Variants in DOCK10 observed in about 807,000 individuals in gnomAD.
DOCK10 encodes the protein dedicator of cytokinesis 10, also known as dedicator of cytokinesis protein 10.
Under a neutral mutation model 280.1 loss-of-function variants are expected in DOCK10, and 145 were observed. The ratio of observed to expected loss-of-function variants is 0.52; its 90% CI spans 0.45 to 0.59. The LOEUF is 0.59. Among genes scored for constraint, DOCK10 ranks in the 20% least tolerant of loss-of-function variants. DOCK10 has a pLI of 0.00. For synonymous variants in DOCK10, 915 were observed against 942.2 expected, an observed-to-expected ratio of 0.97 and a Z score of 0.53; for missense variants, 2,368 against 2,651.7, an observed-to-expected ratio of 0.89 and a Z score of 2.35.
intron 11 of DOCK10, among the ~76,000 whole-genome samples, chr2:224,873,152 T>C (rs1388520405): frequency 3.9e-5 from 6 of 152,226 alleles, no homozygotes; most frequent in Non-Finnish European, 7.3e-5. Context: ...CTAATATTAC[T>C]TTACTTGATA....
At chr2:224,860,535 TCACTTGGCTAA>T in intron 14 of DOCK10, 1 of 152,232 alleles carries the variant, frequency 6.6e-6, no homozygotes, top group Non-Finnish European at 1.5e-5. Flanking sequence ...TTGCCCAAGC[TCACTTGGCTAA>T]TAAAGGATAG....
chr2:224,800,681 G>A (rs1692920361), intron 40 of DOCK10, among the ~76,000 whole-genome samples: 2 of 152,128 alleles, frequency 1.3e-5, no homozygotes, highest in Non-Finnish European at 2.9e-5. Context: ...AAGTAACTGT[G>A]GGCCATGTGC....
rs765143822 is a variant in DOCK10 at position 224,834,174 on chromosome 2, T to C, written c.2940A>G (p.Ser980=). 66 of 1,611,246 alleles carry C rather than the reference T, an allele frequency of 4.1e-5. No homozygotes were observed. The South Asian group carries it at 6.7e-4, about 16-fold the overall frequency. The change falls in exon 26 of 56, where the codon TCA becomes TCG. Residue 980 remains serine (S), a synonymous_variant. Transcript: ENST00000258390. Reference sequence around the variant, plus strand: ...CCTTTAGGACATGCTTTACTGTTGTTGAGTCATTTGATTTCAAAAGACCAG... The same window carrying C: ...CCTTTAGGACATGCTTTACTGTTGTCGAGTCATTTGATTTCAAAAGACCAG... The part of the protein sequence containing the change: ...NVTGLLKSND[S]TTVKHVLKHS...
At chr2:224,941,831 G>A (rs1047378456) in intron 1 of DOCK10, among the ~76,000 whole-genome samples, 9 of 139,246 alleles carry the variant, frequency 6.5e-5, no homozygotes, top group Non-Finnish European at 1.4e-4. Context: ...GCAACAGACT[G>A]AGCCTCCATC....
intron 1 of DOCK10, among the ~76,000 whole-genome samples, chr2:224,949,549 T>TAGAAAAGC (rs1703612389): frequency 6.6e-6 from 1 of 152,202 alleles, no homozygotes; most frequent in Non-Finnish European, 1.5e-5. Flanking sequence ...AGAAAAGATA[T>TAGAAAAGC]CTCTAAGGTA....
chr2:224,814,298 T>C, intron 31 of DOCK10, 22 bp downstream of exon 31: 1 of 1,472,968 alleles, frequency 6.8e-7, no homozygotes, highest in Non-Finnish European at 9.1e-7. Flanking sequence ...TACTGATGCT[T>C]AGGTAAGGTA....
chr2:225,040,919 C>G (rs1440533175), intron 1 of DOCK10, among the ~76,000 whole-genome samples: 2 of 152,230 alleles, frequency 1.3e-5, no homozygotes, highest in East Asian at 3.9e-4. Flanking sequence ...ATAGCAGTAC[C>G]ACATGCTGTC....
chr2:224,938,684 C>T (rs568961433), intron 1 of DOCK10, among the ~76,000 whole-genome samples: 1 of 152,262 alleles, frequency 6.6e-6, no homozygotes, highest in South Asian at 2.1e-4. Flanking sequence ...AATCCAGGAC[C>T]CTTTGACCTT....
chr2:224,949,294 T>C (rs778029198), intron 1 of DOCK10, among the ~76,000 whole-genome samples: 1 of 152,196 alleles, frequency 6.6e-6, no homozygotes, highest in Non-Finnish European at 1.5e-5. Context: ...AAGTCCTAGC[T>C]AGGACAATGG....
At chr2:224,965,614 T>C (rs1704692215) in intron 1 of DOCK10, among the ~76,000 whole-genome samples, 1 of 152,226 alleles carries the variant, frequency 6.6e-6, no homozygotes, top group Non-Finnish European at 1.5e-5. Context: ...TGTGATATCT[T>C]CTTAAATACA....
intron 4 of DOCK10, among the ~76,000 whole-genome samples, chr2:224,888,180 G>A (rs1203706364): frequency 6.6e-6 from 1 of 151,836 alleles, no homozygotes. Context: ...CATTGAAAGA[G>A]GAATGGATAA....
At chr2:224,859,784 G>A (rs181374967) in intron 14 of DOCK10, among the ~76,000 whole-genome samples, 59 of 152,300 alleles carry the variant, frequency 3.9e-4, no homozygotes, top group Non-Finnish European at 3.7e-4. Flanking sequence ...CAGAATCAGG[G>A]TATCAATTAG....
At chr2:224,838,709 A>G (rs1695749489) in intron 24 of DOCK10, among the ~76,000 whole-genome samples, 2 of 151,936 alleles carry the variant, frequency 1.3e-5, no homozygotes, top group Non-Finnish European at 2.9e-5. Flanking sequence ...CAATGCCAAA[A>G]GTAACATTTT....
intron 2 of DOCK10, among the ~76,000 whole-genome samples, chr2:224,919,644 TTGTG>T (rs984440596): frequency 1.4e-5 from 2 of 146,116 alleles, no homozygotes; most frequent in South Asian, 2.2e-4. Flanking sequence ...GTGGTGAGTG[TTGTG>T]TGTGTGTAGA....
intron 1 of DOCK10, among the ~76,000 whole-genome samples, chr2:224,969,132 A>G (rs1704939783): frequency 6.6e-6 from 1 of 152,208 alleles, no homozygotes; most frequent in Non-Finnish European, 1.5e-5. Context: ...TTGCCAAGGA[A>G]GTGTTAAAAA....
intron 4 of DOCK10, among the ~76,000 whole-genome samples, chr2:224,888,868 ATGTG>A (rs1013605922): frequency 1.3e-5 from 2 of 152,024 alleles, no homozygotes; most frequent in East Asian, 3.9e-4. Flanking sequence ...GTGACTACAT[ATGTG>A]TGTATGTATA....
In DOCK10 at chr2:224,770,949, T is replaced by C. The variant is rs1482769982; in HGVS notation, c.6205-304A>G. ...TACTATTTTTTTCTTTCTTTTTTTC[T>C]TTGTTAGAGACAGGGTCTCACTCTG... On this transcript the variant is annotated intron_variant, in intron 53 of 55. Transcript: ENST00000258390. This position sits in a 1 kb window ranked among gnomAD's most constrained non-coding sequence, Gnocchi z 4.5. 6.6e-6 allele frequency among the ~76,000 whole-genome samples: 1 copy of C among 152,126 alleles called. No homozygotes were observed. Among genetic ancestry groups the C allele is most frequent in the Non-Finnish European group, 1.5e-5 (1 of 68,036 alleles).
rs938338103 is a variant in DOCK10 at position 224,770,140 on chromosome 2, G to A, written c.6444+71C>T. The A allele has an allele frequency of 7.1e-6, 10 of 1,416,694 alleles. No homozygotes were observed. The highest frequency in any genetic ancestry group is 1.4e-5 in the African/African-American group (1 of 69,394). 87.8% of individuals were successfully genotyped at this position (1,416,694 alleles called of 1,614,324 possible). ...GCAGCAAGAAAAGGGCCTCTTTCCTGTCCTTCTGGCATTGGGAGCGAAAGG... is the reference window on the plus strand; with the variant it reads ...GCAGCAAGAAAAGGGCCTCTTTCCTATCCTTCTGGCATTGGGAGCGAAAGG... On this transcript the variant is annotated intron_variant, in intron 55 of 55. Coordinates refer to ENST00000258390, the MANE Select transcript of DOCK10 (RefSeq NM_014689.3). This position sits in a 1 kb window ranked among gnomAD's most constrained non-coding sequence, Gnocchi z 4.5.
rs375643163 is a variant in DOCK10, at chr2:224,800,168, A to G, written c.4489T>C (p.Phe1497Leu). 2.5e-6 allele frequency: 4 copies of G among 1,607,072 alleles called. No individual in the cohort carries two copies. In the South Asian group the frequency reaches 4.4e-5, roughly 18 times the overall value. ...ATATTCACCTGATGAGTCTGTGTGAAGAGGGATAACAGGTCCAGAATAGTG... is the reference window on the plus strand; with the variant it reads ...ATATTCACCTGATGAGTCTGTGTGAGGAGGGATAACAGGTCCAGAATAGTG... ...CLTILDLLSL[F>L]TQTHQRQLQQ... The change falls in exon 41 of 56, where the codon TTC (phenylalanine) becomes CTC (leucine). Residue 1497 changes from phenylalanine to leucine, a missense_variant. Physicochemically the swap from Phe to Leu is conservative, Grantham distance 22. Coordinates refer to ENST00000258390, the MANE Select transcript of DOCK10 (RefSeq NM_014689.3).
Sources: gnomAD v4.1 joint callset for allele counts (sites outside exome capture counted in the v4.1 genomes callset) on GRCh38, gnomAD v4.1.1 for gene constraint, Gnocchi (gnomAD v3.1) non-coding constraint, MANE v1.5 for transcripts, NCBI Gene and HGNC (gene_info 2026-07-23, HGNC 2026-07-21) for gene names.